The following ACSBG2 variants were observed in gnomAD, a reference collection of about 807,000 sequenced individuals.
ACSBG2 encodes acyl-CoA synthetase bubblegum family member 2.
A neutral mutation model predicts 74.7 loss-of-function variants in ACSBG2; 62 were observed. The ratio of observed to expected loss-of-function variants is 0.83; its 90% CI spans 0.68 to 1.03. The LOEUF is 1.03. Ranked by LOEUF, ACSBG2 falls within the 50% of genes least tolerant of loss-of-function variation. The pLI is 0.00. For synonymous variants in ACSBG2, 309 were observed against 294.1 expected (o/e 1.05, Z -0.52); for missense variants, 730 against 817.6 (o/e 0.89, Z 1.31).
chr19:6,177,632 G>A (rs1302115882), intron 8 of ACSBG2, among the ~76,000 whole-genome samples: 1 of 152,116 alleles, frequency 6.6e-6, no homozygotes, highest in East Asian at 1.9e-4. Flanking sequence ...CTTGAGCTCA[G>A]GAGTTGAGAC....
At chr19:6,152,416 G>T (rs2089271807) in intron 4 of ACSBG2, among the ~76,000 whole-genome samples, 1 of 73,794 alleles carries the variant, frequency 1.4e-5, no homozygotes, top group South Asian at 5.2e-4. Flanking sequence ...TCAGGCTCCC[G>T]AGTAGCTGGG....
chr19:6,172,460 ATG>A (rs1397365715), intron 7 of ACSBG2, among the ~76,000 whole-genome samples: 1 of 151,716 alleles, frequency 6.6e-6, no homozygotes, highest in Admixed American at 6.6e-5. Flanking sequence ...AAAGGTCTGT[ATG>A]GGTTCCACGG....
At chr19:6,158,927 CTTTTT>C (rs2145102940) in intron 5 of ACSBG2, among the ~76,000 whole-genome samples, 1 of 152,048 alleles carries the variant, frequency 6.6e-6, no homozygotes, top group African/African-American at 2.4e-5. Flanking sequence ...AAATTCTTTT[CTTTTT>C]TCTTTTTCTT....
chr19:6,150,931 T>G lies in ACSBG2; in HGVS notation c.298-776T>G, dbSNP rs143319234. Among the ~76,000 whole-genome samples, 1,070 of 151,752 alleles carry G rather than the reference T, an allele frequency of 7.1e-3. 18 individuals are homozygous for G. The highest frequency in any genetic ancestry group is 0.024 in the African/African-American group (998 of 41,408). ...GGGTTCGAGACCAGCCTGGCCAACA[T>G]GGTGAAACGCTGACTCTACTAAAAA... is the stretch of plus-strand genomic sequence containing the variant. On this transcript the variant is annotated intron_variant, in intron 3 of 14. Transcript: ENST00000588485.
chr19:6,179,580 C>T (rs953825746), intron 8 of ACSBG2, among the ~76,000 whole-genome samples: 31 of 152,120 alleles, frequency 2.0e-4, no homozygotes, highest in Admixed American at 6.5e-4. Flanking sequence ...AATGCCACAA[C>T]AAATGAACAG....
intron 8 of ACSBG2, among the ~76,000 whole-genome samples, chr19:6,178,115 T>G (rs2090139974): frequency 6.6e-6 from 1 of 152,146 alleles, no homozygotes. Context: ...CTTTCTATTG[T>G]GGTGAGGATT....
At chr19:6,185,374 G>A in intron 10 of ACSBG2, 62 bp from the exon 11 acceptor site, 1 of 1,559,594 alleles carries the variant, frequency 6.4e-7, no homozygotes, top group Non-Finnish European at 8.8e-7. Context: ...GAAGATCCAG[G>A]CAGAGCTGGG....
chr19:6,167,175 C>T (rs1296993560), intron 7 of ACSBG2, among the ~76,000 whole-genome samples: 1 of 152,180 alleles, frequency 6.6e-6, no homozygotes, highest in African/African-American at 2.4e-5. Context: ...TTCCCTGCCC[C>T]CCCTCAGCCT....
intron 13 of ACSBG2, among the ~76,000 whole-genome samples, chr19:6,189,275 T>TA (rs1034502720): frequency 2.0e-5 from 3 of 152,190 alleles, no homozygotes; most frequent in Non-Finnish European, 4.4e-5. Context: ...CTGTCTTCTT[T>TA]AAAGCATCAG....
intron 8 of ACSBG2, among the ~76,000 whole-genome samples, chr19:6,178,205 G>A (rs1363278598): frequency 2.6e-5 from 4 of 151,912 alleles, no homozygotes; most frequent in Non-Finnish European, 5.9e-5. Flanking sequence ...ACTGAGCCAA[G>A]TAGTTTATCA....
At chr19:6,192,333 G>A (rs1600151090) in intron 14 of ACSBG2, among the ~76,000 whole-genome samples, 1 of 152,136 alleles carries the variant, frequency 6.6e-6, no homozygotes, top group Admixed American at 6.5e-5. Context: ...ATGTTGCCCA[G>A]GTTGGTCTCA....
intron 7 of ACSBG2, among the ~76,000 whole-genome samples, chr19:6,170,092 T>A (rs185032570): frequency 3.7e-4 from 57 of 152,320 alleles, no homozygotes; most frequent in Middle Eastern, 6.8e-3. Context: ...TGTGCCTGAT[T>A]GCTCTGGCTA....
intron 2 of ACSBG2, among the ~76,000 whole-genome samples, chr19:6,143,498 C>A (rs2088922354): frequency 6.6e-6 from 1 of 152,090 alleles, no homozygotes; most frequent in Non-Finnish European, 1.5e-5. Context: ...ACTAAATCCA[C>A]CTACAAAAAC....
chr19:6,190,852 C>CACAG (rs200989309), intron 14 of ACSBG2, 160 bp downstream of exon 14: 3 of 541,768 alleles, frequency 5.5e-6, no homozygotes, highest in Non-Finnish European at 1.0e-5. Context: ...CACACACACA[C>CACAG]TCTTAGTTGC....
chr19:6,167,983 A>G (rs112992828), intron 7 of ACSBG2, among the ~76,000 whole-genome samples: 1 of 28,526 alleles, frequency 3.5e-5, no homozygotes, highest in Non-Finnish European at 1.1e-4. Context: ...CCTCACCCCC[A>G]CCCCCAGTCT....
intron 4 of ACSBG2, among the ~76,000 whole-genome samples, chr19:6,155,936 A>AT (rs1260622467): frequency 1.3e-5 from 2 of 150,186 alleles, no homozygotes; most frequent in South Asian, 4.2e-4. Flanking sequence ...AAAAAAAAAA[A>AT]TTGAAAGGGG....
chr19:6,172,759 A>T (rs1037899747), intron 7 of ACSBG2, among the ~76,000 whole-genome samples: 3 of 152,152 alleles, frequency 2.0e-5, no homozygotes, highest in Non-Finnish European at 2.9e-5. Context: ...GATGCAGTCC[A>T]GTAGATCGCA....
At chr19:6,176,463 C>T in intron 7 of ACSBG2, 1 of 1,330,814 alleles carries the variant, frequency 7.5e-7, no homozygotes, top group African/African-American at 1.5e-5. Context: ...AAGGGACAAT[C>T]CAAGGTGCCT....
intron 14 of ACSBG2, 116 bp downstream of exon 14, chr19:6,190,808 T>G (rs200274336): frequency 1.3e-4 from 50 of 387,540 alleles, no homozygotes; most frequent in Admixed American, 1.1e-3. Context: ...CATACACACA[T>G]ACATACACAC....
Sources: allele counts gnomAD v4.1 joint callset (sites outside exome capture counted in the v4.1 genomes callset), GRCh38; gene constraint gnomAD v4.1.1; transcripts MANE v1.5; gene names NCBI Gene and HGNC (gene_info 2026-07-23, HGNC 2026-07-21).